The following GLIS3 variants were observed in gnomAD, a reference collection of about 807,000 sequenced individuals.
The protein encoded by GLIS3 is zinc finger protein GLIS3.
In GLIS3, 53 loss-of-function variants were observed where a neutral mutation model predicts 78.6. That is an observed-to-expected ratio of 0.67 (90% CI 0.54 to 0.85). GLIS3 has a LOEUF of 0.85. Among genes scored for constraint, GLIS3 ranks in the 40% least tolerant of loss-of-function variants. The pLI is 0.00. For synonymous variants in GLIS3, 684 were observed against 509.9 expected (o/e 1.34, Z -4.60); for missense variants, 1,703 against 1,231.1 (o/e 1.38, Z -5.74).
chr9:4,139,019 T>C lies in GLIS3; in HGVS notation c.389-13078A>G, dbSNP rs116446428. Among the ~76,000 whole-genome samples the C allele has an allele frequency of 3.5e-3, 539 of 152,288 alleles. 5 individuals carry two copies. Among genetic ancestry groups the C allele is most frequent in the African/African-American group, 0.012 (508 of 41,554 alleles). Reference sequence around the variant, plus strand: ...AAGGCAGGAAACCAAGCTAGTAAGATGTTGCCATAATCTCAGGGTGAGACC... The same window carrying C: ...AAGGCAGGAAACCAAGCTAGTAAGACGTTGCCATAATCTCAGGGTGAGACC... On this transcript the variant is annotated intron_variant, in intron 2 of 10. Coordinates refer to ENST00000381971, the MANE Select transcript of GLIS3 (RefSeq NM_001042413.2).
intron 1 of GLIS3, among the ~76,000 whole-genome samples, chr9:4,292,100 G>C (rs1816030608): frequency 6.6e-6 from 1 of 152,076 alleles, no homozygotes. Flanking sequence ...AGTTCAGAAA[G>C]TACCATGCCT....
chr9:4,293,500 A>G (rs1343207845), intron 1 of GLIS3, among the ~76,000 whole-genome samples: 2 of 152,250 alleles, frequency 1.3e-5, no homozygotes, highest in Non-Finnish European at 2.9e-5. Context: ...TATTTATTAA[A>G]AAGATTTTTT....
chr9:4,382,281 T>G, the GLIS3 span, among the ~76,000 whole-genome samples: 1 of 152,316 alleles, frequency 6.6e-6, no homozygotes, highest in Middle Eastern at 3.4e-3. Context: ...AACATTTCGT[T>G]TGTTCCAGAA....
chr9:3,933,156 T>C (rs1045395490), intron 5 of GLIS3, among the ~76,000 whole-genome samples: 2 of 152,008 alleles, frequency 1.3e-5, no homozygotes, highest in Non-Finnish European at 2.9e-5. Context: ...ATGTGAGGTG[T>C]GGTGCTTAAG....
intron 6 of GLIS3, among the ~76,000 whole-genome samples, chr9:3,905,157 T>TC (rs1362236199): frequency 5.5e-5 from 8 of 144,452 alleles, no homozygotes; most frequent in African/African-American, 2.0e-4. Context: ...TCTTTTTTTT[T>TC]TTTTTGCTAT....
rs1304609412 is a variant in GLIS3, at chr9:4,050,687, G to A, written c.1710+67081C>T. Among the ~76,000 whole-genome samples the A allele has an allele frequency of 3.3e-5, 5 of 152,182 alleles. No individual in the cohort carries two copies. In the East Asian group the frequency reaches 9.6e-4, roughly 29 times the overall value. On this transcript the variant is annotated intron_variant, in intron 4 of 10. Transcript: ENST00000381971. ...CTCTGTACAGAACACGCTATGTCAT[G>A]TTAGGGGCCTTTATTGTTTTTATAC...
At chr9:4,389,464 C>T in the GLIS3 span, among the ~76,000 whole-genome samples, 2 of 152,282 alleles carry the variant, frequency 1.3e-5, no homozygotes, top group Admixed American at 6.5e-5. Context: ...CCACGTGGGA[C>T]TTCCAAAGGC....
At chr9:4,218,739 T>G (rs1287937854) in intron 2 of GLIS3, among the ~76,000 whole-genome samples, 4 of 152,244 alleles carry the variant, frequency 2.6e-5, no homozygotes, top group Admixed American at 2.0e-4. Context: ...AATAGCCACA[T>G]GTGGCTAATG....
intron 4 of GLIS3, among the ~76,000 whole-genome samples, chr9:4,027,163 C>T (rs1823415161): frequency 6.6e-6 from 1 of 152,182 alleles, no homozygotes; most frequent in African/African-American, 2.4e-5. Flanking sequence ...AGTTAACAAT[C>T]CACTGGGATG....
chr9:4,042,468 G>A (rs1363549589), intron 4 of GLIS3, among the ~76,000 whole-genome samples: 1 of 152,144 alleles, frequency 6.6e-6, no homozygotes, highest in African/African-American at 2.4e-5. Flanking sequence ...TTCCAAAGAG[G>A]CCAACACTTA....
intron 4 of GLIS3, among the ~76,000 whole-genome samples, chr9:3,951,338 AT>A (rs1195713488): frequency 3.9e-5 from 6 of 152,076 alleles, no homozygotes; most frequent in African/African-American, 1.4e-4. Flanking sequence ...TCTCTTTATG[AT>A]CCACAGAGCC....
At chr9:3,875,352 A>ATGATGG (rs1182510071) in intron 8 of GLIS3, among the ~76,000 whole-genome samples, 1 of 152,244 alleles carries the variant, frequency 6.6e-6, no homozygotes, top group African/African-American at 2.4e-5. Context: ...ATTTTATTTT[A>ATGATGG]TGATGGTAAG....
chr9:4,269,753 T>C (rs1175577524), intron 2 of GLIS3, among the ~76,000 whole-genome samples: 1 of 152,208 alleles, frequency 6.6e-6, no homozygotes, highest in Non-Finnish European at 1.5e-5. Context: ...TAATGCTGTC[T>C]ATTAATTTTG....
intron 4 of GLIS3, among the ~76,000 whole-genome samples, chr9:4,001,419 C>A (rs556455456): frequency 6.6e-6 from 1 of 152,182 alleles, no homozygotes; most frequent in East Asian, 1.9e-4. Context: ...ATAGAATTTC[C>A]AGAGACAAAT....
chr9:4,164,807 A>G (rs1464440007), intron 2 of GLIS3, among the ~76,000 whole-genome samples: 2 of 152,244 alleles, frequency 1.3e-5, no homozygotes, highest in African/African-American at 4.8e-5. Flanking sequence ...AGTAAAACTC[A>G]GATGAACACT....
chr9:4,213,496 C>G (rs536002322), intron 2 of GLIS3, among the ~76,000 whole-genome samples: 10 of 152,358 alleles, frequency 6.6e-5, no homozygotes, highest in African/African-American at 2.2e-4. Context: ...GCACTCTCCA[C>G]TATGGTTGCC....
intron 9 of GLIS3, among the ~76,000 whole-genome samples, chr9:3,842,589 A>G (rs1588068178): frequency 6.6e-6 from 1 of 152,288 alleles, no homozygotes; most frequent in East Asian, 1.9e-4. Context: ...GTGAGAGGGC[A>G]TTGAGCCCTA....
At chr9:4,397,103 G>A in the GLIS3 span, among the ~76,000 whole-genome samples, 5 of 135,418 alleles carry the variant, frequency 3.7e-5, no homozygotes, top group East Asian at 8.4e-4. Context: ...TTGGCTCACT[G>A]CAAGCTCCAC....
chr9:4,450,039 C>T, the GLIS3 span, among the ~76,000 whole-genome samples: 164 of 152,240 alleles, frequency 1.1e-3, 2 homozygotes, highest in Admixed American at 3.1e-3. Context: ...TCGGTAATAA[C>T]AAACTTCTCC....
Sources: gnomAD v4.1 joint callset for allele counts (sites outside exome capture counted in the v4.1 genomes callset) on GRCh38, gnomAD v4.1.1 for gene constraint, MANE v1.5 for transcripts, NCBI Gene and HGNC (gene_info 2026-07-23, HGNC 2026-07-21) for gene names.